Variants in SHC4 observed in about 807,000 individuals in gnomAD.
SHC4 encodes the protein SHC-transforming protein 4.
SHC4 carries 41 observed loss-of-function variants against 69.4 expected under a neutral mutation model. That is an observed-to-expected ratio of 0.59 (90% CI 0.46 to 0.77). The LOEUF (loss-of-function observed/expected upper bound fraction) is 0.77. SHC4 is among the 30% of genes least tolerant of loss of function. SHC4 has a pLI of 0.00. For missense variants in SHC4, 777 were observed against 783.8 expected (o/e 0.99, Z 0.10); for synonymous variants, 318 against 299.3 (o/e 1.06, Z -0.64).
intron 4 of SHC4, chr15:48,877,731 G>C (rs2140998035): frequency 4.1e-6 from 1 of 245,008 alleles, no homozygotes; most frequent in Middle Eastern, 2.1e-3. Context: ...TTCTTAATAT[G>C]CTGATCTGTG....
At chr15:48,957,616 G>A (rs1901476408) in intron 1 of SHC4, among the ~76,000 whole-genome samples, 1 of 152,188 alleles carries the variant, frequency 6.6e-6, no homozygotes, top group Non-Finnish European at 1.5e-5. Flanking sequence ...AAGCTGATGA[G>A]CTTGATACCC....
intron 1 of SHC4, among the ~76,000 whole-genome samples, chr15:48,959,229 C>G (rs749501166): frequency 2.0e-4 from 31 of 152,212 alleles, no homozygotes; most frequent in Non-Finnish European, 4.0e-4. Context: ...CCCACCCAAG[C>G]TACTGCCTTT....
At chr15:48,826,248 A>G in intron 11 of SHC4, 122 bp from the exon 12 acceptor site, 1 of 1,008,256 alleles carries the variant, frequency 9.9e-7, no homozygotes, top group Non-Finnish European at 1.4e-6. Flanking sequence ...AAAAAAGAAA[A>G]GGTACTTTTT....
chr15:48,960,114 G>A (rs1422323483), intron 1 of SHC4, among the ~76,000 whole-genome samples: 3 of 152,228 alleles, frequency 2.0e-5, no homozygotes, highest in Non-Finnish European at 2.9e-5. Context: ...CATTTGGGTC[G>A]TGGGGTCAGC....
At chr15:48,851,299 A>C in intron 8 of SHC4, 51 bp from the exon 9 acceptor site, 1 of 1,576,838 alleles carries the variant, frequency 6.3e-7, no homozygotes, top group African/African-American at 1.4e-5. Flanking sequence ...ACACATTCAT[A>C]AACTTAAAAG....
At chr15:48,899,349 C>A (rs1473853071) in intron 2 of SHC4, among the ~76,000 whole-genome samples, 1 of 152,092 alleles carries the variant, frequency 6.6e-6, no homozygotes, top group African/African-American at 2.4e-5. Flanking sequence ...CATCTGTAAT[C>A]CCAGCTATTA....
chr15:48,929,172 G>A (rs771447231), intron 1 of SHC4, among the ~76,000 whole-genome samples: 5 of 152,066 alleles, frequency 3.3e-5, no homozygotes, highest in South Asian at 2.1e-4. Context: ...GGGAGGGGGC[G>A]GTGCATAAAA....
chr15:48,909,409 C>G (rs892444161), intron 2 of SHC4, among the ~76,000 whole-genome samples: 1 of 151,850 alleles, frequency 6.6e-6, no homozygotes, highest in Non-Finnish European at 1.5e-5. Flanking sequence ...TATCCAGAAA[C>G]TTTGCTGAAT....
chr15:48,917,909 T>G (rs1018889462), intron 2 of SHC4, among the ~76,000 whole-genome samples: 8 of 152,238 alleles, frequency 5.3e-5, no homozygotes, highest in Admixed American at 2.0e-4. Context: ...AGGCTGACTC[T>G]TAATCATGGC....
intron 1 of SHC4, among the ~76,000 whole-genome samples, chr15:48,939,396 A>C (rs1208628802): frequency 6.6e-6 from 1 of 152,218 alleles, no homozygotes; most frequent in African/African-American, 2.4e-5. Flanking sequence ...CATGTGCAAG[A>C]GGTAAGGGCA....
intron 6 of SHC4, among the ~76,000 whole-genome samples, chr15:48,865,859 G>A (rs1899549472): frequency 1.3e-5 from 2 of 152,116 alleles, no homozygotes; most frequent in Admixed American, 1.3e-4. Context: ...ACCAGAACAG[G>A]GGCTTTCAAA....
intron 1 of SHC4, among the ~76,000 whole-genome samples, chr15:48,926,546 G>A (rs565908457): frequency 4.0e-5 from 6 of 151,042 alleles, no homozygotes; most frequent in South Asian, 2.1e-4. Flanking sequence ...CACTGCAACC[G>A]CTGCCTCCCA....
rs567596721 is a variant in SHC4, at chr15:48,926,865, A to T, written c.586-1916T>A. Among the ~76,000 whole-genome samples, 29 of 152,094 alleles carry T rather than the reference A, an allele frequency of 1.9e-4. No individual in the cohort carries two copies. In the South Asian group the frequency reaches 6.0e-3, roughly 32 times the overall value. On this transcript the variant is annotated intron_variant, in intron 1 of 11. Transcript: ENST00000332408. The stretch of plus-strand genomic sequence containing the variant: ...GAAGAGCATGCTGGCCGGGACAATC[A>T]CCCTGCCAGTCTCATCCAGACTCCT...
intron 5 of SHC4, among the ~76,000 whole-genome samples, chr15:48,868,316 A>G (rs920098614): frequency 6.6e-6 from 1 of 152,222 alleles, no homozygotes; most frequent in African/African-American, 2.4e-5. Flanking sequence ...TAAGTTGACT[A>G]AAGAGACATG....
At chr15:48,920,662 A>G (rs1010415652) in intron 2 of SHC4, among the ~76,000 whole-genome samples, 1 of 152,212 alleles carries the variant, frequency 6.6e-6, no homozygotes, top group Non-Finnish European at 1.5e-5. Context: ...GCCATCCAGC[A>G]ATACATATCA....
intron 4 of SHC4, chr15:48,879,585 G>C (rs1278986288): frequency 6.0e-6 from 1 of 167,032 alleles, no homozygotes; most frequent in Non-Finnish European, 1.5e-5. Context: ...AAGGACTTTA[G>C]TTGAACTTCA....
intron 1 of SHC4, among the ~76,000 whole-genome samples, chr15:48,928,771 G>C (rs757113344): frequency 6.6e-6 from 1 of 152,114 alleles, no homozygotes; most frequent in Non-Finnish European, 1.5e-5. Flanking sequence ...TTGTCTGTCA[G>C]CTATGGCACA....
intron 4 of SHC4, among the ~76,000 whole-genome samples, chr15:48,880,693 A>T (rs1899923265): frequency 6.6e-6 from 1 of 152,172 alleles, no homozygotes; most frequent in Non-Finnish European, 1.5e-5. Context: ...GTTGTTTTTC[A>T]GTCTTAAAAA....
At chr15:48,932,514 C>G (rs1900984602) in intron 1 of SHC4, among the ~76,000 whole-genome samples, 1 of 152,128 alleles carries the variant, frequency 6.6e-6, no homozygotes, top group Admixed American at 6.6e-5. Flanking sequence ...CGCTTTTGCC[C>G]TCTCATTTTG....
Sources: gnomAD v4.1 joint callset for allele counts (sites outside exome capture counted in the v4.1 genomes callset) on GRCh38, gnomAD v4.1.1 for gene constraint, MANE v1.5 for transcripts, NCBI Gene and HGNC (gene_info 2026-07-23, HGNC 2026-07-21) for gene names.